The following SECISBP2L variants were observed in gnomAD, a reference collection of about 807,000 sequenced individuals.
SECISBP2L encodes the protein selenocysteine insertion sequence-binding protein 2-like.
Under a neutral mutation model 114.7 loss-of-function variants are expected in SECISBP2L, and 43 were observed. The observed-to-expected ratio is 0.38, with a 90% CI of 0.29 to 0.48. The LOEUF (loss-of-function observed/expected upper bound fraction) is 0.48. Ranked by LOEUF, SECISBP2L falls within the 20% of genes least tolerant of loss-of-function variation. The pLI is 0.98. For synonymous variants in SECISBP2L, 451 were observed against 439.7 expected (o/e 1.03, Z -0.32); for missense variants, 1,136 against 1,301.1 (o/e 0.87, Z 1.95).
intron 7 of SECISBP2L, among the ~76,000 whole-genome samples, chr15:49,025,840 C>CT (rs1902730331): frequency 6.6e-6 from 1 of 152,142 alleles, no homozygotes; most frequent in South Asian, 2.1e-4. Flanking sequence ...TCCTCAAAAA[C>CT]TAAAAAAGAA....
Position 49,035,601 on chromosome 15 carries a change from A to G in SECISBP2L, c.261T>C (p.Thr87=), listed in dbSNP as rs560784677. The change falls in exon 3 of 18, where the codon ACT becomes ACC. Residue 87 remains threonine (T), a synonymous_variant. Coordinates refer to ENST00000559471, the MANE Select transcript of SECISBP2L (RefSeq NM_001193489.2). ...IRWQQPNPNP[T]GPYFAYPIIS... is the part of the protein sequence containing the mutation. ...TAATGGGATAGGCAAAGTATGGTCC[A>G]GTAGGGTTTGGATTGGGTTGTTGCC... 1 of 1,614,232 alleles carries G rather than the reference A, an allele frequency of 6.2e-7. No individual in the cohort carries two copies. Among genetic ancestry groups the G allele is most frequent in the African/African-American group, 1.3e-5 (1 of 75,068 alleles).
Position 48,992,752 on chromosome 15 carries a change from G to C in SECISBP2L, c.2798C>G (p.Thr933Arg), listed in dbSNP as rs762046923. 4 of 1,614,214 alleles carry C rather than the reference G, an allele frequency of 2.5e-6. No individual in the cohort carries two copies. In the South Asian group the frequency reaches 4.4e-5, roughly 18 times the overall value. ...ACTTGCTGTGGATTTCCCAGCACTT[G>C]TAGCTGAGGTAGTACTGCCTGTAGC... ...LVATGSTTSA[T>R]SAGKSTASDK... Residue 933 changes from threonine to arginine, a missense_variant, in exon 18 of 18, where the codon ACA (threonine) becomes AGA (arginine). Thr to Arg is a moderately conservative substitution (Grantham distance 71). This residue lies in a region of SECISBP2L where 684 missense variants were observed against 848.7 expected (regional missense o/e 0.81). Transcript: ENST00000559471.
At position 48,992,944 on chromosome 15, in the gene SECISBP2L, ATTT is replaced by A; in HGVS notation, c.2624-21_2624-19del. 6.3e-7 allele frequency: 1 copy of A among 1,591,560 alleles called. No homozygotes were observed. The highest frequency in any genetic ancestry group is 8.6e-7 in the Non-Finnish European group (1 of 1,167,876). ...ATTTGTTTCTACAAGTATCAAGCAG[ATTT>A]TTTAAAAACCAGAACACTGTTTCAA... On this transcript the variant is annotated intron_variant, in intron 17 of 17. Coordinates refer to ENST00000559471, the MANE Select transcript of SECISBP2L (RefSeq NM_001193489.2).
Position 49,011,588 on chromosome 15 carries a change from G to T in SECISBP2L, c.1864+143C>A, listed in dbSNP as rs187997094. ...TCTCCCTACAAAAGCATCTTTAAAA[G>T]AAACCACTCTGAAGAATAAAGAGAT... is the stretch of plus-strand genomic sequence containing the variant. On this transcript the variant is annotated intron_variant, in intron 13 of 17. Transcript: ENST00000559471. 442 of 979,466 alleles carry T rather than the reference G, an allele frequency of 4.5e-4. 2 individuals are homozygous for T. The African/African-American group carries it at 5.2e-3, about 12-fold the overall frequency. 60.7% of individuals were successfully genotyped at this position (979,466 alleles called of 1,614,324 possible).
intron 2 of SECISBP2L, among the ~76,000 whole-genome samples, chr15:49,036,772 C>T (rs750090132): frequency 6.6e-6 from 1 of 152,168 alleles, no homozygotes; most frequent in Non-Finnish European, 1.5e-5. Flanking sequence ...TACCATACAT[C>T]CACAATTTCT....
intron 16 of SECISBP2L, among the ~76,000 whole-genome samples, chr15:48,998,535 T>C (rs1902142133): frequency 6.6e-6 from 1 of 152,116 alleles, no homozygotes; most frequent in African/African-American, 2.4e-5. Context: ...AACATTGGTT[T>C]TACAATATAA....
rs1902930281 is a variant in SECISBP2L at position 49,033,068 on chromosome 15, T to C, written c.561A>G (p.Lys187=). Residue 187 remains lysine, a synonymous_variant, in exon 4 of 18, where the codon AAA becomes AAG. Coordinates refer to ENST00000559471, the MANE Select transcript of SECISBP2L (RefSeq NM_001193489.2). ...TAGCTACATTTTTCACCAGCGGCCT[T>C]TTGCTTTTTATGTGCTGTTGTAAAA... ...QQLLQQHIKS[K]RPLVKNVATQ... The C allele has an allele frequency of 6.2e-7, 1 of 1,613,960 alleles. No homozygotes were observed. Among genetic ancestry groups the C allele is most frequent in the African/African-American group, 1.3e-5 (1 of 74,886 alleles).
intron 11 of SECISBP2L, 93 bp downstream of exon 11, chr15:49,016,467 C>T (rs768910121): frequency 2.2e-4 from 237 of 1,070,750 alleles, no homozygotes; most frequent in Non-Finnish European, 2.9e-4. Context: ...TATATATACA[C>T]ATACATATAT....
rs186993845 is a variant in SECISBP2L, at chr15:48,991,998, A to T, written c.*246T>A. The T allele has an allele frequency of 1.1e-5, 4 of 378,990 alleles. No homozygotes were observed. Among genetic ancestry groups the T allele is most frequent in the Non-Finnish European group, 1.4e-5 (3 of 212,522 alleles). 23.5% of individuals were successfully genotyped at this position (378,990 alleles called of 1,614,324 possible). A position where few individuals can be genotyped will look rare whatever the true frequency, so the allele number is the denominator to read the frequency against. ...TTCTTTAAGATCTGGTCTTCTTTTT[A>T]TCACTGTTTTTGATTACAAAATAAG... On this transcript the variant is annotated 3_prime_UTR_variant, in exon 18 of 18. Transcript: ENST00000559471.
In SECISBP2L at chr15:48,988,828, T is replaced by C. The variant is rs1004793348; in HGVS notation, c.*3416A>G. ...TTATTAGAGCATTACAATTAAGACA[T>C]TAAATTATAAACTTATGTGGTATAT... On this transcript the variant is annotated 3_prime_UTR_variant, in exon 18 of 18. Coordinates refer to ENST00000559471, the MANE Select transcript of SECISBP2L (RefSeq NM_001193489.2). 7.4e-5 allele frequency: 15 copies of C among 203,062 alleles called. No individual in the cohort carries two copies. The highest frequency in any genetic ancestry group is 1.1e-4 in the Non-Finnish European group (11 of 96,388). 12.6% of individuals were successfully genotyped at this position (203,062 alleles called of 1,614,324 possible). A position where few individuals can be genotyped will look rare whatever the true frequency, so the allele number is the denominator to read the frequency against.
At chr15:48,994,537 G>A in intron 17 of SECISBP2L, among the ~76,000 whole-genome samples, 1 of 152,096 alleles carries the variant, frequency 6.6e-6, no homozygotes, top group Non-Finnish European at 1.5e-5. Context: ...TCCATGCTCA[G>A]TGTCATCTAA....
At chr15:49,028,081 A>G in intron 6 of SECISBP2L, 63 bp downstream of exon 6, 1 of 1,443,704 alleles carries the variant, frequency 6.9e-7, no homozygotes, top group Non-Finnish European at 9.4e-7. Context: ...CATGCTTAAA[A>G]GGAAAACTCT....
rs550285486 is a variant in SECISBP2L at position 49,019,777 on chromosome 15, G to C, written c.1036-225C>G. ...CACATTGCTTTTTTCCCCTCGACAT[G>C]AATATTTATTAGCAGCTTTATTCAC... On this transcript the variant is annotated intron_variant, in intron 7 of 17. Transcript: ENST00000559471. 22 of 349,598 alleles carry C rather than the reference G, an allele frequency of 6.3e-5. No individual in the cohort carries two copies. In the South Asian group the frequency reaches 1.8e-3, roughly 29 times the overall value. 21.7% of individuals were successfully genotyped at this position (349,598 alleles called of 1,614,324 possible). A position where few individuals can be genotyped will look rare whatever the true frequency, so the allele number is the denominator to read the frequency against.
intron 17 of SECISBP2L, 71 bp from the exon 18 acceptor site, chr15:48,992,997 C>A: frequency 7.7e-7 from 1 of 1,296,708 alleles, no homozygotes; most frequent in South Asian, 1.4e-5. Context: ...TTAAAAACCC[C>A]CAAAAAAGAA....
At chr15:49,005,257 G>C (rs1049723183) in intron 14 of SECISBP2L, among the ~76,000 whole-genome samples, 2 of 152,156 alleles carry the variant, frequency 1.3e-5, no homozygotes, top group Non-Finnish European at 2.9e-5. Flanking sequence ...TTGAACTCAG[G>C]AGGTGGAGGT....
At chr15:48,995,021 T>G (rs1388394777) in intron 17 of SECISBP2L, among the ~76,000 whole-genome samples, 2 of 152,072 alleles carry the variant, frequency 1.3e-5, no homozygotes, top group Non-Finnish European at 2.9e-5. Context: ...ACCTAAAACC[T>G]TTAGGCAGAG....
intron 4 of SECISBP2L, among the ~76,000 whole-genome samples, chr15:49,030,054 A>C (rs1902854479): frequency 1.3e-5 from 2 of 152,042 alleles, no homozygotes; most frequent in African/African-American, 2.4e-5. Flanking sequence ...GTCCAAAAAA[A>C]AAAAACAAAA....
chr15:48,997,294 T>A (rs1902114686), intron 16 of SECISBP2L, among the ~76,000 whole-genome samples: 1 of 152,198 alleles, frequency 6.6e-6, no homozygotes, highest in Non-Finnish European at 1.5e-5. Flanking sequence ...AAGATGGCAG[T>A]CTCTATAGGA....
At chr15:49,042,568 G>C (rs957528285) in intron 1 of SECISBP2L, 2 of 152,224 alleles carry the variant, frequency 1.3e-5, no homozygotes, top group Admixed American at 6.5e-5. Flanking sequence ...CCAGAACACC[G>C]AGGTAGGGTC....
Sources: allele counts gnomAD v4.1 joint callset (sites outside exome capture counted in the v4.1 genomes callset), GRCh38; gene constraint gnomAD v4.1.1; regional missense constraint gnomAD v4.1.1; transcripts MANE v1.5; gene names NCBI Gene and HGNC (gene_info 2026-07-23, HGNC 2026-07-21).